The following LIPI variants were observed in gnomAD, a reference collection of about 807,000 sequenced individuals.
The protein encoded by LIPI is lipase member I.
A neutral mutation model predicts 50.6 loss-of-function variants in LIPI; 59 were observed. The observed-to-expected ratio is 1.16, with a 90% CI of 0.94 to 1.45. The LOEUF is 1.45. Among genes scored for constraint, LIPI ranks in the 40% most tolerant of loss-of-function variants. The pLI is 0.00. For missense variants in LIPI, 586 were observed against 536.3 expected (o/e 1.09, Z -0.92); for synonymous variants, 203 against 178.2 (o/e 1.14, Z -1.11).
chr21:14,140,488 A>G (rs763552914), intron 9 of LIPI, among the ~76,000 whole-genome samples: 2 of 152,064 alleles, frequency 1.3e-5, no homozygotes, highest in Non-Finnish European at 2.9e-5. Context: ...TGTGACATAC[A>G]GTTTTAATTT....
chr21:14,196,862 ATG>A (rs889653343), intron 1 of LIPI, among the ~76,000 whole-genome samples: 7 of 152,132 alleles, frequency 4.6e-5, no homozygotes, highest in African/African-American at 1.7e-4. Flanking sequence ...GTACATTTAA[ATG>A]TGTGTACATT....
chr21:14,192,003 C>T (rs1209813908), intron 1 of LIPI, among the ~76,000 whole-genome samples: 1 of 152,212 alleles, frequency 6.6e-6, no homozygotes, highest in Non-Finnish European at 1.5e-5. Flanking sequence ...GTTACCTAAC[C>T]AACTCCCATA....
chr21:14,196,155 T>TA (rs545007066), intron 1 of LIPI, among the ~76,000 whole-genome samples: 2,858 of 74,622 alleles, frequency 0.038, 98 homozygotes, highest in African/African-American at 0.1. Context: ...CACCAAATTG[T>TA]AAAAAAAAAA....
chr21:14,143,836 C>T (rs141607738), intron 9 of LIPI: 2,227 of 154,102 alleles, frequency 0.014, 48 homozygotes, highest in South Asian at 0.029. Context: ...AGTGGGAAAA[C>T]CTCTGATTGT....
intron 9 of LIPI, among the ~76,000 whole-genome samples, chr21:14,142,812 T>C (rs2017762157): frequency 6.6e-6 from 1 of 151,878 alleles, no homozygotes; most frequent in Non-Finnish European, 1.5e-5. Flanking sequence ...TTAGATTTTA[T>C]ATTTATACTA....
At chr21:14,125,362 T>TA (rs2017019229) in intron 9 of LIPI, among the ~76,000 whole-genome samples, 1 of 152,162 alleles carries the variant, frequency 6.6e-6, no homozygotes. Context: ...TAGACTGTAA[T>TA]AAAGTTATAA....
intron 9 of LIPI, among the ~76,000 whole-genome samples, chr21:14,111,295 G>A (rs927117677): frequency 4.6e-5 from 7 of 152,004 alleles, no homozygotes; most frequent in African/African-American, 1.4e-4. Context: ...ACAGTCATGA[G>A]GTGATAGCTC....
intron 7 of LIPI, among the ~76,000 whole-genome samples, chr21:14,154,278 C>T (rs1195480169): frequency 6.6e-6 from 1 of 151,866 alleles, no homozygotes; most frequent in African/African-American, 2.4e-5. Flanking sequence ...CAAGAGAAGT[C>T]GTATTTTCAA....
At chr21:14,121,690 C>A (rs1243626968) in intron 9 of LIPI, among the ~76,000 whole-genome samples, 1 of 152,174 alleles carries the variant, frequency 6.6e-6, no homozygotes, top group Non-Finnish European at 1.5e-5. Context: ...ATCATGTCTA[C>A]CCCTACCACT....
intron 3 of LIPI, among the ~76,000 whole-genome samples, chr21:14,183,090 G>A (rs1208230128): frequency 6.6e-6 from 1 of 152,174 alleles, no homozygotes; most frequent in African/African-American, 2.4e-5. Context: ...CAAGGCTACA[G>A]TAACCAAAAC....
intron 1 of LIPI, among the ~76,000 whole-genome samples, chr21:14,194,586 G>A (rs780280013): frequency 1.3e-5 from 2 of 152,090 alleles, no homozygotes; most frequent in African/African-American, 2.4e-5. Flanking sequence ...ATGAGATACC[G>A]AGATCAGTCA....
intron 2 of LIPI, among the ~76,000 whole-genome samples, chr21:14,188,609 C>T (rs1266364745): frequency 6.8e-6 from 1 of 146,050 alleles, no homozygotes; most frequent in Non-Finnish European, 1.5e-5. Context: ...TTTACTTTTA[C>T]CAATTCACAC....
chr21:14,172,230 A>G (rs1247750631), intron 4 of LIPI, among the ~76,000 whole-genome samples: 23 of 150,974 alleles, frequency 1.5e-4, no homozygotes, highest in Admixed American at 3.3e-4. Context: ...GGTGCTGGAG[A>G]GGATGTGGAG....
intron 7 of LIPI, among the ~76,000 whole-genome samples, chr21:14,158,784 A>C (rs971896672): frequency 2.7e-5 from 4 of 150,942 alleles, no homozygotes; most frequent in African/African-American, 4.8e-5. Context: ...GAATCAAGAC[A>C]CAAATCACTG....
chr21:14,206,755 T>C, intron 1 of LIPI: 2 of 1,025,650 alleles, frequency 1.9e-6, no homozygotes, highest in Admixed American at 1.9e-5. Flanking sequence ...AGTGTTGTTT[T>C]ATATTTCCTC....
intron 4 of LIPI, among the ~76,000 whole-genome samples, chr21:14,171,683 A>T (rs1363726851): frequency 2.0e-5 from 3 of 151,892 alleles, no homozygotes; most frequent in African/African-American, 7.3e-5. Flanking sequence ...CTGAAACTGG[A>T]TCCCTTCCTT....
rs187123432 is a variant in LIPI, at chr21:14,180,262, G to A, written c.643+1496C>T. Among the ~76,000 whole-genome samples the A allele has an allele frequency of 6.7e-3, 1,018 of 152,238 alleles. 4 individuals carry two copies. Among genetic ancestry groups the A allele is most frequent in the South Asian group, 0.018 (86 of 4,810 alleles). ...TTATCAAGACAATACATGCACTGCTGAACATAGAACCTTATCAATATTTCT... is the reference window on the plus strand; with the variant it reads ...TTATCAAGACAATACATGCACTGCTAAACATAGAACCTTATCAATATTTCT... On this transcript the variant is annotated intron_variant, in intron 4 of 9. Coordinates refer to ENST00000681601, the MANE Select transcript of LIPI (RefSeq NM_001302998.2).
intron 4 of LIPI, among the ~76,000 whole-genome samples, chr21:14,167,745 T>A (rs1228466338): frequency 6.6e-6 from 1 of 151,768 alleles, no homozygotes; most frequent in African/African-American, 2.4e-5. Flanking sequence ...CAAAAGTAGA[T>A]GAAACCACAA....
chr21:14,155,383 CAGAA>C (rs1285843759), intron 7 of LIPI, among the ~76,000 whole-genome samples: 2 of 151,616 alleles, frequency 1.3e-5, no homozygotes, highest in African/African-American at 2.4e-5. Context: ...ATTAGAGTGT[CAGAA>C]AGAGAAGAGA....
Sources: gnomAD v4.1 joint callset for allele counts (sites outside exome capture counted in the v4.1 genomes callset) on GRCh38, gnomAD v4.1.1 for gene constraint, MANE v1.5 for transcripts, NCBI Gene and HGNC (gene_info 2026-07-23, HGNC 2026-07-21) for gene names.